The following LRRC4C variants were observed in gnomAD, a reference collection of about 807,000 sequenced individuals.
LRRC4C encodes the protein leucine rich repeat containing 4C.
In LRRC4C, 5 loss-of-function variants were observed where a neutral mutation model predicts 33.6. The observed-to-expected ratio is 0.15, with a 90% CI of 0.08 to 0.31. The LOEUF is 0.31. LRRC4C is among the 10% of genes least tolerant of loss of function. The pLI is 1.00. For missense variants in LRRC4C, 560 were observed against 796.7 expected (o/e 0.70, Z 3.58); for synonymous variants, 329 against 302.0 (o/e 1.09, Z -0.93).
At chr11:40,735,851 C>G (rs1211121301) in intron 2 of LRRC4C, among the ~76,000 whole-genome samples, 1 of 150,930 alleles carries the variant, frequency 6.6e-6, no homozygotes, top group Non-Finnish European at 1.5e-5. Context: ...GATCGCCATT[C>G]TAACTGGTGT....
At chr11:40,554,724 T>C (rs1957261458) in intron 3 of LRRC4C, among the ~76,000 whole-genome samples, 1 of 147,020 alleles carries the variant, frequency 6.8e-6, no homozygotes, top group Admixed American at 7.0e-5. Context: ...CTACTGTAAA[T>C]GGGATTGCAT....
intron 3 of LRRC4C, among the ~76,000 whole-genome samples, chr11:40,495,531 C>T (rs12278952): frequency 0.13 from 19,360 of 151,962 alleles, 1,398 homozygotes; most frequent in African/African-American, 0.18. Context: ...AGATATTACA[C>T]GTTAAATTAT....
intron 1 of LRRC4C, among the ~76,000 whole-genome samples, chr11:41,400,584 T>TA (rs1478870872): frequency 1.7e-3 from 2 of 1,156 alleles, no homozygotes; most frequent in Non-Finnish European, 1.5e-3. Flanking sequence ...ATAGGAGATA[T>TA]TTTTTTAATG....
At chr11:41,247,420 AACAAAC>A (rs1324670899) in intron 1 of LRRC4C, among the ~76,000 whole-genome samples, 1 of 152,238 alleles carries the variant, frequency 6.6e-6, no homozygotes, top group East Asian at 1.9e-4. Flanking sequence ...TCTACTTAAG[AACAAAC>A]ACAAAGTCAA....
At chr11:40,318,836 T>C (rs2136829670) in intron 4 of LRRC4C, among the ~76,000 whole-genome samples, 1 of 152,326 alleles carries the variant, frequency 6.6e-6, no homozygotes, top group Non-Finnish European at 1.5e-5. Context: ...TAGTCTACTA[T>C]ATAGTCATCT....
chr11:40,600,031 A>G (rs920076717), intron 3 of LRRC4C, among the ~76,000 whole-genome samples: 4 of 152,224 alleles, frequency 2.6e-5, no homozygotes, highest in African/African-American at 9.6e-5. Context: ...GTATTCTCAT[A>G]TAGTACAGGA....
intron 3 of LRRC4C, among the ~76,000 whole-genome samples, chr11:40,474,979 C>G (rs1174483638): frequency 1.3e-5 from 2 of 152,126 alleles, no homozygotes; most frequent in Non-Finnish European, 2.9e-5. Context: ...TGTGGAGAAA[C>G]AGGAACTCTT....
intron 3 of LRRC4C, among the ~76,000 whole-genome samples, chr11:40,502,665 C>T (rs952868056): frequency 1.3e-5 from 2 of 152,124 alleles, no homozygotes; most frequent in Admixed American, 1.3e-4. Flanking sequence ...TATGGGAGTA[C>T]AATTCAAGAT....
intron 5 of LRRC4C, among the ~76,000 whole-genome samples, chr11:40,173,447 T>C (rs1457349758): frequency 6.6e-6 from 1 of 152,190 alleles, no homozygotes; most frequent in Non-Finnish European, 1.5e-5. Context: ...AATAAATGAA[T>C]GAATGATAGA....
At chr11:40,914,349 A>T (rs1039991642) in intron 2 of LRRC4C, among the ~76,000 whole-genome samples, 11 of 152,206 alleles carry the variant, frequency 7.2e-5, no homozygotes, top group Non-Finnish European at 1.5e-4. Context: ...CTTATCCACC[A>T]TGATCAAGTG....
intron 2 of LRRC4C, among the ~76,000 whole-genome samples, chr11:40,861,336 AGAGAAACAT>A (rs1048658973): frequency 6.6e-6 from 1 of 152,192 alleles, no homozygotes; most frequent in Non-Finnish European, 1.5e-5. Flanking sequence ...GGGACTTAAA[AGAGAAACAT>A]GAGCCTGGAA....
chr11:40,865,899 C>T (rs558353077), intron 2 of LRRC4C, among the ~76,000 whole-genome samples: 6 of 150,778 alleles, frequency 4.0e-5, no homozygotes, highest in South Asian at 2.1e-4. Flanking sequence ...GCACTTTTCC[C>T]GAAGAGTGAA....
At chr11:40,789,731 C>A (rs1950553680) in intron 2 of LRRC4C, among the ~76,000 whole-genome samples, 3 of 152,138 alleles carry the variant, frequency 2.0e-5, no homozygotes, top group South Asian at 2.1e-4. Flanking sequence ...GCTTACAAGT[C>A]TTTTCATTCA....
chr11:40,930,644 G>A (rs2136458709), intron 2 of LRRC4C, among the ~76,000 whole-genome samples: 1 of 152,230 alleles, frequency 6.6e-6, no homozygotes, highest in African/African-American at 2.4e-5. Context: ...AAGCCTTTAT[G>A]GCTCTCCCTG....
chr11:40,655,254 C>G (rs575013262), intron 2 of LRRC4C, among the ~76,000 whole-genome samples: 3 of 152,046 alleles, frequency 2.0e-5, no homozygotes, highest in Non-Finnish European at 4.4e-5. Context: ...TTAAGTAATA[C>G]CATGTGTTGA....
chr11:40,529,851 T>C (rs1458835293), intron 3 of LRRC4C, among the ~76,000 whole-genome samples: 1 of 152,152 alleles, frequency 6.6e-6, no homozygotes, highest in Non-Finnish European at 1.5e-5. Context: ...ATTGGAGAAC[T>C]TGATCTTGTA....
At chr11:40,615,257 TATATATATACACAC>T (rs56232593) in intron 3 of LRRC4C, among the ~76,000 whole-genome samples, 56,659 of 137,364 alleles carry the variant, frequency 0.41, 13,168 homozygotes, top group Middle Eastern at 0.56. Context: ...TATATATATA[TATATATATACACAC>T]ACACACACAT....
chr11:40,369,863 C>A (rs1948374519), intron 3 of LRRC4C, among the ~76,000 whole-genome samples: 1 of 151,912 alleles, frequency 6.6e-6, no homozygotes, highest in African/African-American at 2.4e-5. Context: ...GTACAGGAAG[C>A]AAATACCTAA....
intron 1 of LRRC4C, among the ~76,000 whole-genome samples, chr11:41,115,646 A>C (rs1942078011): frequency 6.6e-6 from 1 of 152,058 alleles, no homozygotes; most frequent in African/African-American, 2.4e-5. Context: ...ATTTATATTA[A>C]TATTCTGCCT....
Sources: allele counts gnomAD v4.1 joint callset (sites outside exome capture counted in the v4.1 genomes callset), GRCh38; gene constraint gnomAD v4.1.1; transcripts MANE v1.5; gene names NCBI Gene and HGNC (gene_info 2026-07-23, HGNC 2026-07-21).